VPS13C: variants seen among roughly 807,000 people sequenced by gnomAD.
VPS13C encodes the protein vacuolar protein sorting 13 homolog C, also known as intermembrane lipid transfer protein VPS13C.
VPS13C carries 358 observed loss-of-function variants against 456.8 expected under a neutral mutation model. The ratio of observed to expected loss-of-function variants is 0.78; its 90% CI spans 0.72 to 0.86. VPS13C has a LOEUF of 0.86. VPS13C is among the 40% of genes least tolerant of loss of function. The pLI is 0.00. For missense variants in VPS13C, 4,818 were observed against 4,385.4 expected, an observed-to-expected ratio of 1.10 and a Z score of -2.79; for synonymous variants, 1,578 against 1,486.7, an observed-to-expected ratio of 1.06 and a Z score of -1.41.
At chr15:62,056,933 C>T (rs949988853) in intron 1 of VPS13C, among the ~76,000 whole-genome samples, 10 of 152,174 alleles carry the variant, frequency 6.6e-5, no homozygotes, top group African/African-American at 2.4e-4. Context: ...TTGGAGATGA[C>T]CCACACTCTT....
chr15:62,051,992 C>T (rs2048635294), intron 1 of VPS13C, among the ~76,000 whole-genome samples: 1 of 152,200 alleles, frequency 6.6e-6, no homozygotes, highest in Non-Finnish European at 1.5e-5. Flanking sequence ...CTAAAGAGAT[C>T]TGGTAGTTTA....
At chr15:61,856,687 CTTTT>C (rs542779595) in intron 82 of VPS13C, 1,224 of 114,418 alleles carry the variant, frequency 0.011, no homozygotes, top group South Asian at 0.028. Flanking sequence ...TTTTTCTTTT[CTTTT>C]TTTTTTTTTT....
At chr15:61,932,347 T>C (rs1051679654) in intron 49 of VPS13C, among the ~76,000 whole-genome samples, 7 of 152,098 alleles carry the variant, frequency 4.6e-5, no homozygotes, top group East Asian at 1.9e-4. Context: ...TACAGGGTGA[T>C]TGGGCTTGGA....
intron 3 of VPS13C, among the ~76,000 whole-genome samples, chr15:62,035,674 C>T (rs185028839): frequency 1.1e-3 from 160 of 152,084 alleles, no homozygotes; most frequent in African/African-American, 3.1e-3. Context: ...GCAAGGCATA[C>T]GGTATTATGA....
chr15:61,945,981 G>T, intron 44 of VPS13C, 99 bp from the exon 45 acceptor site: 1 of 1,045,720 alleles, frequency 9.6e-7, no homozygotes, highest in Non-Finnish European at 1.3e-6. Context: ...TCCTTGATAA[G>T]TAGAAATATA....
At chr15:61,998,896 C>T (rs1341662897) in intron 16 of VPS13C, among the ~76,000 whole-genome samples, 1 of 152,192 alleles carries the variant, frequency 6.6e-6, no homozygotes, top group East Asian at 1.9e-4. Flanking sequence ...CTTCTACTTA[C>T]TGAATAGTAA....
Position 61,931,225 on chromosome 15 carries a change from T to G in VPS13C, c.5903A>C (p.Gln1968Pro), listed in dbSNP as rs765952660. 3 of 1,613,994 alleles carry G rather than the reference T, an allele frequency of 1.9e-6. No individual in the cohort carries two copies. In the South Asian group the frequency reaches 3.3e-5, roughly 18 times the overall value. ...AAGATGTAGTCTGAGTTCACCAAGT[T>G]GGAAACTGTCATTATGAAATGCAAC... ...SGVAFHNDSF[Q>P]LGELRLHLMA... The change falls in exon 50 of 85, where the codon CAA becomes CCA. Residue 1968 changes from glutamine to proline, a missense_variant. Coordinates refer to ENST00000644861, the MANE Select transcript of VPS13C (RefSeq NM_020821.3).
chr15:61,885,544 G>A (rs1256940422), intron 67 of VPS13C, among the ~76,000 whole-genome samples: 2 of 152,078 alleles, frequency 1.3e-5, no homozygotes, highest in Admixed American at 6.6e-5. Context: ...TCTACTTCTC[G>A]TGAAAATTCA....
chr15:61,953,185 C>G (rs1246329303), intron 38 of VPS13C, among the ~76,000 whole-genome samples: 3 of 151,698 alleles, frequency 2.0e-5, no homozygotes, highest in African/African-American at 7.3e-5. Context: ...CTGCCTTGCC[C>G]CAGACCCTTT....
chr15:62,008,614 T>A (rs772113274), intron 14 of VPS13C, 41 bp downstream of exon 14: 1 of 1,436,118 alleles, frequency 7.0e-7, no homozygotes, highest in Non-Finnish European at 9.6e-7. Context: ...AAATATATGA[T>A]TATATGTTCC....
chr15:61,927,057 T>G, intron 52 of VPS13C, 34 bp downstream of exon 52: 7 of 1,584,490 alleles, frequency 4.4e-6, no homozygotes, highest in Non-Finnish European at 6.0e-6. Flanking sequence ...CTGCCATTCT[T>G]CAACCCAAGA....
chr15:62,043,117 C>A (rs1366107180), intron 2 of VPS13C, among the ~76,000 whole-genome samples: 2 of 151,898 alleles, frequency 1.3e-5, no homozygotes, highest in Admixed American at 1.3e-4. Context: ...ATCAGGTCTA[C>A]ATTTTTGTTT....
chr15:62,011,967 C>T, intron 12 of VPS13C, 140 bp downstream of exon 12: 3 of 544,124 alleles, frequency 5.5e-6, no homozygotes, highest in Non-Finnish European at 9.8e-6. Flanking sequence ...AGTTATAACC[C>T]AAACATGTTG....
At chr15:61,978,166 C>T (rs148874301) in intron 23 of VPS13C, among the ~76,000 whole-genome samples, 18 of 152,114 alleles carry the variant, frequency 1.2e-4, no homozygotes, top group Admixed American at 7.9e-4. Flanking sequence ...TCTGTAGATA[C>T]ATACTTCTCA....
intron 3 of VPS13C, among the ~76,000 whole-genome samples, chr15:62,035,444 C>A (rs1267631987): frequency 6.6e-6 from 1 of 151,844 alleles, no homozygotes; most frequent in African/African-American, 2.4e-5. Context: ...GGATGCTGGA[C>A]CAGATTCGGT....
intron 38 of VPS13C, 55 bp downstream of exon 38, chr15:61,954,366 C>A: frequency 3.2e-6 from 5 of 1,557,258 alleles, no homozygotes; most frequent in Non-Finnish European, 3.5e-6. Flanking sequence ...AGAGGTAATT[C>A]CAATATCCAT....
At chr15:61,943,622 C>G (rs1299140283) in intron 45 of VPS13C, among the ~76,000 whole-genome samples, 1 of 151,878 alleles carries the variant, frequency 6.6e-6, no homozygotes. Flanking sequence ...TACCTTTCAC[C>G]ATATACAAAA....
Position 61,941,787 on chromosome 15 carries a change from T to C in VPS13C, c.5429A>G (p.Glu1810Gly), listed in dbSNP as rs1281909217. ...CCTTGACAGCTTCAACTGAGTGAGT[T>C]CGATGTTCATTTTATCAATGACTGG... is the stretch of plus-strand genomic sequence containing the variant. Reference protein sequence around the residue: ...LPPVIDKMNIELTQLKLSRTI... With the variant: ...LPPVIDKMNIGLTQLKLSRTI... Residue 1810 changes from glutamate (E) to glycine (G), a missense_variant, in exon 46 of 85, where the codon GAA becomes GGA. This residue lies in a region of VPS13C where 4,552 missense variants were observed against 4,130.6 expected (regional missense o/e 1.10). Coordinates refer to ENST00000644861, the MANE Select transcript of VPS13C (RefSeq NM_020821.3). 6.2e-7 allele frequency: 1 copy of C among 1,612,560 alleles called. No individual in the cohort carries two copies.
intron 1 of VPS13C, among the ~76,000 whole-genome samples, chr15:62,055,274 C>T (rs2048749642): frequency 6.6e-6 from 1 of 152,012 alleles, no homozygotes; most frequent in Admixed American, 6.6e-5. Flanking sequence ...GTCACCTAGG[C>T]TGGAGTGCAG....
Sources: gnomAD v4.1 joint callset for allele counts (sites outside exome capture counted in the v4.1 genomes callset) on GRCh38, gnomAD v4.1.1 for gene constraint, gnomAD v4.1.1 regional missense constraint, MANE v1.5 for transcripts, NCBI Gene and HGNC (gene_info 2026-07-23, HGNC 2026-07-21) for gene names.